KCNIP4: variants seen among roughly 807,000 people sequenced by gnomAD.
KCNIP4 encodes the protein potassium voltage-gated channel interacting protein 4, also known as Kv channel-interacting protein 4.
Under a neutral mutation model 34.0 loss-of-function variants are expected in KCNIP4, and 12 were observed. The ratio of observed to expected loss-of-function variants is 0.35; its 90% CI spans 0.23 to 0.57. KCNIP4 has a LOEUF of 0.57. Ranked by LOEUF, KCNIP4 falls within the 20% of genes least tolerant of loss-of-function variation. The probability of loss-of-function intolerance (pLI) is 0.83; values close to 1 mark genes in which losing one functional copy is unlikely to be tolerated. For missense variants in KCNIP4, 238 were observed against 311.7 expected (o/e 0.76, Z 1.78); for synonymous variants, 124 against 102.2 (o/e 1.21, Z -1.29).
intron 1 of KCNIP4, among the ~76,000 whole-genome samples, chr4:21,323,340 T>A (rs1365197379): frequency 6.6e-6 from 1 of 152,012 alleles, no homozygotes; most frequent in Non-Finnish European, 1.5e-5. Flanking sequence ...TGTTGTGCTA[T>A]CAAATACTAG....
At chr4:21,940,098 A>G (rs1730119820) in intron 1 of KCNIP4, among the ~76,000 whole-genome samples, 1 of 152,178 alleles carries the variant, frequency 6.6e-6, no homozygotes, top group Non-Finnish European at 1.5e-5. Context: ...ATGTTTTATG[A>G]AAAAGGTACA....
intron 3 of KCNIP4, among the ~76,000 whole-genome samples, chr4:20,840,481 G>C (rs147213857): frequency 6.6e-6 from 1 of 152,034 alleles, no homozygotes; most frequent in Non-Finnish European, 1.5e-5. Flanking sequence ...AATCAAGTTG[G>C]ACCATATGAC....
rs117927026 is a variant in KCNIP4 at position 21,583,433 on chromosome 4, T to A, written c.61+365138A>T. Among the ~76,000 whole-genome samples, 151 of 151,998 alleles carry A rather than the reference T, an allele frequency of 9.9e-4. No individual in the cohort carries two copies. The East Asian group carries it at 0.028, about 28-fold the overall frequency. On this transcript the variant is annotated intron_variant, in intron 1 of 8. Coordinates refer to ENST00000382152, the MANE Select transcript of KCNIP4 (RefSeq NM_025221.6). ...ATAAGGCAATATATATATGAAACAG[T>A]TACTCCAGGATCTGACATACAATAA...
chr4:21,479,952 T>C (rs991483317), intron 1 of KCNIP4, among the ~76,000 whole-genome samples: 4 of 151,516 alleles, frequency 2.6e-5, no homozygotes, highest in African/African-American at 7.3e-5. Context: ...ATAAATAATA[T>C]TAGGAATATG....
intron 1 of KCNIP4, among the ~76,000 whole-genome samples, chr4:21,422,174 A>G (rs1725513487): frequency 6.6e-6 from 1 of 151,696 alleles, no homozygotes; most frequent in Non-Finnish European, 1.5e-5. Flanking sequence ...AGTATTTTAT[A>G]TTATAAAATT....
At chr4:21,594,866 A>C (rs11940358) in intron 1 of KCNIP4, among the ~76,000 whole-genome samples, 29,459 of 149,682 alleles carry the variant, frequency 0.2, 2,928 homozygotes, top group Middle Eastern at 0.25. Flanking sequence ...AATATTTAGA[A>C]TCAACATTTG....
intron 1 of KCNIP4, among the ~76,000 whole-genome samples, chr4:21,705,432 C>T (rs1713184738): frequency 6.6e-6 from 1 of 151,968 alleles, no homozygotes; most frequent in Non-Finnish European, 1.5e-5. Flanking sequence ...TACAATTATA[C>T]CCAAATAAAA....
intron 1 of KCNIP4, among the ~76,000 whole-genome samples, chr4:21,790,058 T>C (rs1252732018): frequency 2.0e-5 from 3 of 152,188 alleles, no homozygotes; most frequent in Admixed American, 1.3e-4. Context: ...CAGCATGTCA[T>C]TTAACGGAAA....
At chr4:21,219,558 C>T (rs1156454520) in intron 1 of KCNIP4, among the ~76,000 whole-genome samples, 1 of 152,148 alleles carries the variant, frequency 6.6e-6, no homozygotes, top group African/African-American at 2.4e-5. Context: ...ATGGTTAAAG[C>T]TTACAAATCC....
chr4:21,368,237 T>TAC (rs71189694), intron 1 of KCNIP4, among the ~76,000 whole-genome samples: 41,072 of 143,616 alleles, frequency 0.29, 7,326 homozygotes, highest in Middle Eastern at 0.34. Context: ...AAGAAGCTGT[T>TAC]ACACACACAC....
intron 1 of KCNIP4, among the ~76,000 whole-genome samples, chr4:21,220,170 G>A (rs1419026800): frequency 6.6e-6 from 1 of 152,020 alleles, no homozygotes; most frequent in East Asian, 1.9e-4. Flanking sequence ...CTCCCTTTAG[G>A]TAGGTGCTTA....
At chr4:21,147,863 T>C (rs1335797691) in intron 1 of KCNIP4, among the ~76,000 whole-genome samples, 1 of 139,808 alleles carries the variant, frequency 7.2e-6, no homozygotes, top group African/African-American at 2.8e-5. Flanking sequence ...TGCTTGAACC[T>C]GGGAAGCAGA....
In KCNIP4 at chr4:20,986,137, G is replaced by T. The variant is rs183086925; in HGVS notation, c.62-103428C>A. ...GAGGCTCTGCAAGGTCTCCTTGGAT[G>T]AAACGACTTTGCTTTTCCCTGGTCC... On this transcript the variant is annotated intron_variant, in intron 1 of 8. Coordinates refer to ENST00000382152, the MANE Select transcript of KCNIP4 (RefSeq NM_025221.6). Among the ~76,000 whole-genome samples the T allele has an allele frequency of 1.6e-3, 246 of 152,268 alleles. 1 individual carries two copies. The highest frequency in any genetic ancestry group is 5.8e-3 in the African/African-American group (239 of 41,554).
chr4:20,743,131 T>C (rs1468733837), intron 5 of KCNIP4, among the ~76,000 whole-genome samples: 2 of 152,092 alleles, frequency 1.3e-5, no homozygotes, highest in African/African-American at 4.8e-5. Flanking sequence ...CACAAACAAA[T>C]GGAAGAACAT....
intron 1 of KCNIP4, among the ~76,000 whole-genome samples, chr4:21,599,379 A>C (rs1240799348): frequency 6.6e-6 from 1 of 152,008 alleles, no homozygotes; most frequent in Non-Finnish European, 1.5e-5. Flanking sequence ...ATAGTACTAT[A>C]ATTTCAGAAT....
intron 1 of KCNIP4, among the ~76,000 whole-genome samples, chr4:21,667,498 T>C (rs1459594216): frequency 6.6e-6 from 1 of 152,210 alleles, no homozygotes; most frequent in African/African-American, 2.4e-5. Flanking sequence ...ATAACAGTGA[T>C]ATGATATAAG....
intron 1 of KCNIP4, among the ~76,000 whole-genome samples, chr4:20,986,652 C>T (rs80019746): frequency 1.4e-3 from 209 of 152,282 alleles, no homozygotes; most frequent in African/African-American, 4.8e-3. Flanking sequence ...TCCAAATTCA[C>T]GCTTTTCCCT....
chr4:21,510,357 C>A (rs1018198217), intron 1 of KCNIP4, among the ~76,000 whole-genome samples: 2 of 152,002 alleles, frequency 1.3e-5, no homozygotes, highest in African/African-American at 4.8e-5. Flanking sequence ...AAAACAAGGA[C>A]TTTATTGATC....
chr4:21,045,693 CA>C (rs1742369750), intron 1 of KCNIP4, among the ~76,000 whole-genome samples: 1 of 152,120 alleles, frequency 6.6e-6, no homozygotes, highest in South Asian at 2.1e-4. Flanking sequence ...CTCTCCAGTA[CA>C]TATTTTATTT....
Sources: gnomAD v4.1 joint callset for allele counts (sites outside exome capture counted in the v4.1 genomes callset) on GRCh38, gnomAD v4.1.1 for gene constraint, MANE v1.5 for transcripts, NCBI Gene and HGNC (gene_info 2026-07-23, HGNC 2026-07-21) for gene names.